The following AGAP5 variants were observed in gnomAD, a reference collection of about 807,000 sequenced individuals.
AGAP5 encodes the protein ArfGAP with GTPase domain, ankyrin repeat and PH domain 5.
A neutral mutation model predicts 27.7 loss-of-function variants in AGAP5; 8 were observed. That is an observed-to-expected ratio of 0.29 (90% CI 0.17 to 0.52). The LOEUF is 0.52. Ranked by LOEUF, AGAP5 falls within the 20% of genes least tolerant of loss-of-function variation. AGAP5 has a pLI of 0.97. For missense variants in AGAP5, 285 were observed against 880.8 expected (o/e 0.32, Z 8.56); for synonymous variants, 111 against 338.0 (o/e 0.33, Z 7.37).
chr10:73,674,831 C>G lies in AGAP5; in HGVS notation c.1829G>C (p.Gly610Ala), dbSNP rs1405655815. 3.1e-6 allele frequency: 5 copies of G among 1,611,528 alleles called. No individual in the cohort carries two copies. In the Admixed American group the frequency reaches 6.7e-5, roughly 21 times the overall value. The stretch of plus-strand genomic sequence containing the variant: ...GGTCTCGTTCACCTCCTCACGGGAG[C>G]CATGTGCCAGCAGCAGGATGGCTGT... Reference protein sequence around the residue: ...LQTAILLLAHGSREEVNETCG... With the variant: ...LQTAILLLAHASREEVNETCG... The change falls in exon 8 of 8, where the codon GGC becomes GCC. Residue 610 changes from glycine to alanine, a missense_variant. Gly to Ala is a moderately conservative substitution (Grantham distance 60). Coordinates refer to ENST00000374094, the MANE Select transcript of AGAP5 (RefSeq NM_001144000.4).
chr10:73,687,940 T>G (rs2082079151), intron 4 of AGAP5, among the ~76,000 whole-genome samples: 2 of 152,122 alleles, frequency 1.3e-5, no homozygotes, highest in African/African-American at 4.8e-5. Flanking sequence ...AGCAAGCCAG[T>G]TTGTCTTGCA....
intron 1 of AGAP5, 137 bp downstream of exon 1, chr10:73,697,396 T>G: frequency 6.4e-7 from 1 of 1,571,498 alleles, no homozygotes. Flanking sequence ...AGAGCCAGCT[T>G]TTGTTCCTGG....
chr10:73,683,453 A>C, intron 4 of AGAP5, among the ~76,000 whole-genome samples: 1 of 121,160 alleles, frequency 8.3e-6, no homozygotes, highest in East Asian at 2.1e-4. Context: ...TTAATTAATT[A>C]ATTTATTTAT....
chr10:73,677,637 C>T (rs550725838), intron 6 of AGAP5, among the ~76,000 whole-genome samples: 303 of 152,086 alleles, frequency 2.0e-3, no homozygotes, highest in Non-Finnish European at 2.7e-3. Flanking sequence ...CCACTTGCCT[C>T]GGCCTCCAAA....
chr10:73,695,439 C>T (rs1160149247), intron 2 of AGAP5, among the ~76,000 whole-genome samples: 1 of 152,134 alleles, frequency 6.6e-6, no homozygotes, highest in Admixed American at 6.5e-5. Flanking sequence ...TAAAGAATGA[C>T]AATAAAGAGC....
Position 73,688,889 on chromosome 10 carries a change from T to C in AGAP5, c.396+3154A>G, listed in dbSNP as rs376039889. 2.4e-3 allele frequency among the ~76,000 whole-genome samples: 361 copies of C among 152,216 alleles called. 17 individuals are homozygous for C. The South Asian group carries it at 0.072, about 30-fold the overall frequency. On this transcript the variant is annotated intron_variant, in intron 4 of 7. Coordinates refer to ENST00000374094, the MANE Select transcript of AGAP5 (RefSeq NM_001144000.4). ...TAAATAACGTATCACACACTGGCAA[T>C]AGATTCAAGAACAACACTGTAATAA...
intron 4 of AGAP5, among the ~76,000 whole-genome samples, chr10:73,686,008 C>A (rs1169494763): frequency 6.6e-6 from 1 of 152,126 alleles, no homozygotes; most frequent in East Asian, 1.9e-4. Flanking sequence ...TTCAATGCAA[C>A]TCCCATCAAA....
In AGAP5 at chr10:73,693,193, T is replaced by C. The variant is rs560178126; in HGVS notation, c.362-1116A>G. Among the ~76,000 whole-genome samples the C allele has an allele frequency of 5.5e-4, 83 of 152,254 alleles. No homozygotes were observed. In the Middle Eastern group the frequency reaches 0.01, roughly 19 times the overall value. On this transcript the variant is annotated intron_variant, in intron 3 of 7. Coordinates refer to ENST00000374094, the MANE Select transcript of AGAP5 (RefSeq NM_001144000.4). ...TTACTGCTTCCATGCTCTCTAGGTG[T>C]GAGAAGCCCATGGCTCCGGAAGGAA...
chr10:73,697,430 C>T (rs1178025260), intron 1 of AGAP5, 103 bp downstream of exon 1: 5 of 1,596,122 alleles, frequency 3.1e-6, no homozygotes, highest in African/African-American at 2.7e-5. Context: ...AAGCTGGCTA[C>T]AAGCAGAAAG....
rs1435864719 is a variant in AGAP5, at chr10:73,675,919, G to A, written c.741C>T (p.Ser247=). 6.2e-7 allele frequency: 1 copy of A among 1,613,852 alleles called. No individual in the cohort carries two copies. The highest frequency in any genetic ancestry group is 2.2e-5 in the East Asian group (1 of 44,870). ...ANTPTPVCKR[S]MRWSNLFTSE... ...ATGTAAACAGGTTGGACCAGCGCATGGACCGCTTGCAAACGGGGGTGGGTG... is the reference window on the plus strand; with the variant it reads ...ATGTAAACAGGTTGGACCAGCGCATAGACCGCTTGCAAACGGGGGTGGGTG... Residue 247 remains serine (S), a synonymous_variant, in exon 8 of 8, where the codon TCC becomes TCT. Coordinates refer to ENST00000374094, the MANE Select transcript of AGAP5 (RefSeq NM_001144000.4).
At chr10:73,691,681 A>G (rs1462730946) in intron 4 of AGAP5, among the ~76,000 whole-genome samples, 1 of 152,100 alleles carries the variant, frequency 6.6e-6, no homozygotes, top group Non-Finnish European at 1.5e-5. Flanking sequence ...TAGTAGATAC[A>G]GAATTTCACC....
chr10:73,681,855 C>G (rs2082027298), intron 5 of AGAP5: 1 of 874,686 alleles, frequency 1.1e-6, no homozygotes, highest in African/African-American at 1.8e-5. Context: ...GGACTTGAGA[C>G]AGAGTTTGAG....
intron 4 of AGAP5, among the ~76,000 whole-genome samples, chr10:73,688,984 T>TGCCGCCTCCGCCTCCGCC (rs1554962543): frequency 1.3e-5 from 2 of 151,964 alleles, no homozygotes; most frequent in African/African-American, 4.8e-5. Context: ...CCTCTGCCTC[T>TGCCGCCTCCGCCTCCGCC]GCCGCCTCCG....
chr10:73,697,544 T>G lies in AGAP5; in HGVS notation c.212A>C (p.Glu71Ala). 1 of 1,612,952 alleles carries G rather than the reference T, an allele frequency of 6.2e-7. No individual in the cohort carries two copies. Among genetic ancestry groups the G allele is most frequent in the Non-Finnish European group, 8.5e-7 (1 of 1,179,948 alleles). The change falls in exon 1 of 8, where the codon GAG becomes GCG. Residue 71 changes from glutamate to alanine, a missense_variant. By Grantham distance (107) the Glu-to-Ala change is moderately radical (BLOSUM62 -1). Coordinates refer to ENST00000374094, the MANE Select transcript of AGAP5 (RefSeq NM_001144000.4). ...DLHMHHIRDQ[E>A]MPEALEFSLS... ...TATCACCTCCTTACCTTCAGGCATC[T>G]CCTGGTCACGAATGTGGTGCATGTG...
chr10:73,676,446 A>T (rs2081980919), intron 7 of AGAP5, among the ~76,000 whole-genome samples: 1 of 142,550 alleles, frequency 7.0e-6, no homozygotes, highest in Admixed American at 7.1e-5. Flanking sequence ...AGATCGCGCG[A>T]TTGCACTCCA....
At chr10:73,681,118 C>G (rs1340374789) in intron 5 of AGAP5, 1 of 151,070 alleles carries the variant, frequency 6.6e-6, no homozygotes, top group African/African-American at 2.8e-5. Context: ...GCCTGAGAAG[C>G]TTTAATATCT....
intron 4 of AGAP5, among the ~76,000 whole-genome samples, chr10:73,685,574 G>T: frequency 6.8e-6 from 1 of 146,198 alleles, no homozygotes; most frequent in African/African-American, 2.5e-5. Flanking sequence ...TTTTTGAGAT[G>T]GAGTCTCGCT....
rs563272969 is a variant in AGAP5 at position 73,689,789 on chromosome 10, C to T, written c.396+2254G>A. 1.3e-3 allele frequency among the ~76,000 whole-genome samples: 190 copies of T among 151,752 alleles called. 6 individuals are homozygous for T. In the South Asian group the frequency reaches 0.037, roughly 30 times the overall value. The stretch of plus-strand genomic sequence containing the variant: ...CTGAGAAGTGAGGAGCCCCTCCGCC[C>T]GGCAGCCACCCTGTCTGGGAAGTGA... On this transcript the variant is annotated intron_variant, in intron 4 of 7. Coordinates refer to ENST00000374094, the MANE Select transcript of AGAP5 (RefSeq NM_001144000.4).
chr10:73,690,208 C>T (rs902208623), intron 4 of AGAP5, among the ~76,000 whole-genome samples: 2 of 152,188 alleles, frequency 1.3e-5, no homozygotes, highest in South Asian at 2.1e-4. Context: ...GGATGGTTGC[C>T]GTGTCTGTGT....
Sources: allele counts gnomAD v4.1 joint callset (sites outside exome capture counted in the v4.1 genomes callset), GRCh38; gene constraint gnomAD v4.1.1; transcripts MANE v1.5; gene names NCBI Gene and HGNC (gene_info 2026-07-23, HGNC 2026-07-21).